The following DNAH10 variants were observed in gnomAD, a reference collection of about 807,000 sequenced individuals.
The protein encoded by DNAH10 is dynein axonemal heavy chain 10.
Under a neutral mutation model 506.6 loss-of-function variants are expected in DNAH10, and 348 were observed. That is an observed-to-expected ratio of 0.69 (90% CI 0.63 to 0.75). The LOEUF (loss-of-function observed/expected upper bound fraction) is 0.75. DNAH10 is among the 30% of genes least tolerant of loss of function. DNAH10 has a pLI of 0.00. For synonymous variants in DNAH10, 2,059 were observed against 2,198.6 expected (o/e 0.94, Z 1.78); for missense variants, 5,179 against 5,787.1 (o/e 0.89, Z 3.41).
rs184981123 is a variant in DNAH10, at chr12:123,845,750, C to G, written c.5511C>G (p.Ile1837Met). ...ATGGCAGGAAAATGCACCGGCAGAT[C>G]GATGAGTTGGTAACGCGCATCACCA... ...KNYGRKMHRQ[I>M]DELVTRITMP... Residue 1837 changes from isoleucine (I) to methionine (M), a missense_variant, in exon 31 of 79, where the codon ATC (isoleucine) becomes ATG (methionine). This residue lies in a region of DNAH10 where 4,844 missense variants were observed against 5,430.5 expected (regional missense o/e 0.89). Coordinates refer to ENST00000673944, the MANE Select transcript of DNAH10 (RefSeq NM_001372106.1). The G allele has an allele frequency of 1.7e-5, 27 of 1,613,788 alleles. No individual in the cohort carries two copies. The highest frequency in any genetic ancestry group is 2.2e-5 in the Non-Finnish European group (26 of 1,179,894).
At chr12:123,873,793 G>C (rs1018809299) in intron 46 of DNAH10, 83 bp downstream of exon 46, 2 of 1,464,442 alleles carry the variant, frequency 1.4e-6, no homozygotes, top group African/African-American at 2.8e-5. Flanking sequence ...TTAGAAGTGA[G>C]TATGAGAACA....
chr12:123,820,602 T>C lies in DNAH10; in HGVS notation c.4023T>C (p.Tyr1341=). The change falls in exon 24 of 79, where the codon TAT becomes TAC. Residue 1341 remains tyrosine, a synonymous_variant. Transcript: ENST00000673944. ...TAGGAGTAGAGCTTTTAGGTGTTTATGAAAGAGAGCTGGCAAGACATGAAA... is the reference window on the plus strand; with the variant it reads ...TAGGAGTAGAGCTTTTAGGTGTTTACGAAAGAGAGCTGGCAAGACATGAAA... The part of the protein sequence containing the change: ...LDKGVELLGV[Y]ERELARHEKS... The C allele has an allele frequency of 6.2e-7, 1 of 1,613,940 alleles. No homozygotes were observed. Among genetic ancestry groups the C allele is most frequent in the Non-Finnish European group, 8.5e-7 (1 of 1,179,900 alleles).
chr12:123,886,820 G>A (rs1482289234), intron 51 of DNAH10, among the ~76,000 whole-genome samples: 1 of 152,184 alleles, frequency 6.6e-6, no homozygotes, highest in Non-Finnish European at 1.5e-5. Context: ...TTGATTTCCT[G>A]TCACGAAGTT....
At chr12:123,772,239 C>T (rs1490870269) in intron 3 of DNAH10, among the ~76,000 whole-genome samples, 1 of 152,168 alleles carries the variant, frequency 6.6e-6, no homozygotes. Flanking sequence ...TGACTGGGGC[C>T]CCAGCAAACA....
chr12:123,817,970 A>G (rs1959175353), intron 21 of DNAH10, among the ~76,000 whole-genome samples: 1 of 131,946 alleles, frequency 7.6e-6, no homozygotes, highest in South Asian at 2.4e-4. Context: ...TTTTTTTGAG[A>G]TGGAGTTTCA....
At chr12:123,763,715 C>T (rs1956915294) in intron 1 of DNAH10, among the ~76,000 whole-genome samples, 1 of 151,452 alleles carries the variant, frequency 6.6e-6, no homozygotes, top group Admixed American at 6.6e-5. Context: ...AGGTATGCGT[C>T]ACCATGCCTG....
At chr12:123,815,828 G>A (rs1337414740) in intron 21 of DNAH10, among the ~76,000 whole-genome samples, 2 of 152,152 alleles carry the variant, frequency 1.3e-5, no homozygotes. Flanking sequence ...AGAACCTATT[G>A]CTCCTAGGCT....
chr12:123,838,003 C>T (rs1286635629), intron 28 of DNAH10, among the ~76,000 whole-genome samples: 1 of 152,154 alleles, frequency 6.6e-6, no homozygotes, highest in Admixed American at 6.5e-5. Context: ...TGTTGCTGGA[C>T]ATTGAGGCTA....
At position 123,790,010 on chromosome 12, in the gene DNAH10, C is replaced by T. The variant is rs1555217037; in HGVS notation, c.1704C>T (p.Cys568=). The change falls in exon 11 of 79, where the codon TGC becomes TGT. Residue 568 remains cysteine, a synonymous_variant. Transcript: ENST00000673944. ...GDPKRIDDVL[C]RVDGLVTPME... is the part of the protein sequence containing the mutation. Reference sequence around the variant, plus strand: ...CCAAGCGCATTGATGATGTCCTATGCAGAGTGGACGGCCTAGTCACCCCCA... The same window carrying T: ...CCAAGCGCATTGATGATGTCCTATGTAGAGTGGACGGCCTAGTCACCCCCA... The T allele has an allele frequency of 1.2e-6, 2 of 1,614,172 alleles. No homozygotes were observed. Among genetic ancestry groups the T allele is most frequent in the South Asian group, 1.1e-5 (1 of 91,086 alleles).
At chr12:123,861,654 A>G (rs924241066) in intron 39 of DNAH10, among the ~76,000 whole-genome samples, 1 of 152,266 alleles carries the variant, frequency 6.6e-6, no homozygotes, top group Non-Finnish European at 1.5e-5. Flanking sequence ...ACCACATGCC[A>G]TGGCAAAGGC....
intron 1 of DNAH10, among the ~76,000 whole-genome samples, chr12:123,764,213 C>T (rs761329576): frequency 6.6e-6 from 1 of 152,180 alleles, no homozygotes; most frequent in Admixed American, 6.5e-5. Context: ...CAAAATAAAA[C>T]GCCTTCATCA....
chr12:123,829,757 G>A (rs1960343098), intron 25 of DNAH10, among the ~76,000 whole-genome samples: 1 of 152,100 alleles, frequency 6.6e-6, no homozygotes, highest in Non-Finnish European at 1.5e-5. Flanking sequence ...AACACTTGCT[G>A]CTCACGTGCT....
In DNAH10 at chr12:123,918,963, A is replaced by C. The variant is rs763913621; in HGVS notation, c.11506+14A>C. ...ACGGCTGCACAGGTGAGCTCTCCCC[A>C]CAGAGGAGGACATGTTAGTGTAGTT... On this transcript the variant is annotated intron_variant, in intron 65 of 78. Coordinates refer to ENST00000673944, the MANE Select transcript of DNAH10 (RefSeq NM_001372106.1). 56 of 1,592,272 alleles carry C rather than the reference A, an allele frequency of 3.5e-5. No individual in the cohort carries two copies. Among genetic ancestry groups the C allele is most frequent in the Non-Finnish European group, 4.7e-5 (55 of 1,166,446 alleles).
At chr12:123,834,046 G>C (rs1960864143) in intron 27 of DNAH10, among the ~76,000 whole-genome samples, 1 of 152,090 alleles carries the variant, frequency 6.6e-6, no homozygotes, top group Admixed American at 6.5e-5. Flanking sequence ...TCCAAGCCTT[G>C]GGTGGGATGA....
chr12:123,892,670 TA>T (rs1478676516), intron 52 of DNAH10, among the ~76,000 whole-genome samples: 1 of 152,230 alleles, frequency 6.6e-6, no homozygotes, highest in African/African-American at 2.4e-5. Flanking sequence ...AGAGATGGCA[TA>T]AAATGTATTG....
At chr12:123,901,013 G>A (rs1049744925) in intron 56 of DNAH10, among the ~76,000 whole-genome samples, 3 of 152,176 alleles carry the variant, frequency 2.0e-5, no homozygotes, top group African/African-American at 4.8e-5. Context: ...ACATTGACAC[G>A]TCCCACAGAG....
At position 123,935,566 on chromosome 12, in the gene DNAH10, T is replaced by C; in HGVS notation, c.*85T>C. On this transcript the variant is annotated 3_prime_UTR_variant, in exon 79 of 79. Coordinates refer to ENST00000673944, the MANE Select transcript of DNAH10 (RefSeq NM_001372106.1). ...GTCTGCTGTCATTTCTTGGGGCCTC[T>C]CAAGAGGCAGGAGGGGGACTGACAC... 7.2e-7 allele frequency: 1 copy of C among 1,398,444 alleles called. No homozygotes were observed. The highest frequency in any genetic ancestry group is 9.7e-7 in the Non-Finnish European group (1 of 1,029,916). The allele number at this position is 1,398,444 out of a possible 1,614,324, so 86.6% of individuals were successfully genotyped here.
At chr12:123,763,423 T>A (rs1362273524) in intron 1 of DNAH10, among the ~76,000 whole-genome samples, 1 of 152,102 alleles carries the variant, frequency 6.6e-6, no homozygotes, top group Non-Finnish European at 1.5e-5. Flanking sequence ...TCCAGTCTCC[T>A]GGGCTACTTT....
intron 48 of DNAH10, among the ~76,000 whole-genome samples, chr12:123,878,180 T>TA (rs1460641408): frequency 6.6e-6 from 1 of 152,220 alleles, no homozygotes; most frequent in African/African-American, 2.4e-5. Context: ...ACTTCTCGTT[T>TA]TCAGTTCTGA....
Sources: allele counts gnomAD v4.1 joint callset (sites outside exome capture counted in the v4.1 genomes callset), GRCh38; gene constraint gnomAD v4.1.1; regional missense constraint gnomAD v4.1.1; transcripts MANE v1.5; gene names NCBI Gene and HGNC (gene_info 2026-07-23, HGNC 2026-07-21).